Variants in PBXIP1 observed in about 807,000 individuals in gnomAD.
PBXIP1 encodes PBX homeobox interacting protein 1.
In PBXIP1, 73 loss-of-function variants were observed where a neutral mutation model predicts 73.7. The observed-to-expected ratio is 0.99, with a 90% CI of 0.82 to 1.20. The LOEUF (loss-of-function observed/expected upper bound fraction) is 1.20, where lower values mean the gene tolerates loss of function less well. Among genes scored for constraint, PBXIP1 ranks in the 50% most tolerant of loss-of-function variants. PBXIP1 has a pLI of 0.00. For missense variants in PBXIP1, 818 were observed against 911.4 expected (o/e 0.90, Z 1.32); for synonymous variants, 330 against 366.9 (o/e 0.90, Z 1.15).
intron 1 of PBXIP1, chr1:154,955,062 ATAGG>A: frequency 1.8e-6 from 1 of 564,198 alleles, no homozygotes; most frequent in Non-Finnish European, 2.2e-6. Context: ...CAAGTCCTGG[ATAGG>A]TCTTTCCCAA....
rs771104168 is a variant in PBXIP1, at chr1:154,946,138, C to T, written c.1536G>A (p.Glu512=). Residue 512 remains glutamate (E), a synonymous_variant, in exon 10 of 11, where the codon GAG becomes GAA. Coordinates refer to ENST00000368463, the MANE Select transcript of PBXIP1 (RefSeq NM_020524.4). ...KKNWGGQEDR[E]PAGRWKEGRP... ...TGCCCTCCTTCCACCTTCCTGCTGG[C>T]TCCCTGTCCTCCTGACCTCCCCAGT... 6.2e-7 allele frequency: 1 copy of T among 1,614,046 alleles called. No homozygotes were observed. Among genetic ancestry groups the T allele is most frequent in the Non-Finnish European group, 8.5e-7 (1 of 1,180,030 alleles).
In PBXIP1 at chr1:154,951,722, A is replaced by T; in HGVS notation, c.178+73T>A. ...AAACGAACCAGCCTCCCTTTCTCTGAGGAAACTGAGAAACCCCAAAATATG... is the reference window on the plus strand; with the variant it reads ...AAACGAACCAGCCTCCCTTTCTCTGTGGAAACTGAGAAACCCCAAAATATG... On this transcript the variant is annotated intron_variant, in intron 3 of 10. Coordinates refer to ENST00000368463, the MANE Select transcript of PBXIP1 (RefSeq NM_020524.4). This position sits in a 1 kb window ranked among gnomAD's most constrained non-coding sequence, Gnocchi z 4.3. 1 of 1,547,476 alleles carries T rather than the reference A, an allele frequency of 6.5e-7. No individual in the cohort carries two copies. The highest frequency in any genetic ancestry group is 8.8e-7 in the Non-Finnish European group (1 of 1,130,902).
chr1:154,945,765 G>T lies in PBXIP1; in HGVS notation c.1909C>A (p.Pro637Thr). 1 of 1,614,218 alleles carries T rather than the reference G, an allele frequency of 6.2e-7. No individual in the cohort carries two copies. Among genetic ancestry groups the T allele is most frequent in the Non-Finnish European group, 8.5e-7 (1 of 1,180,036 alleles). ...TCACCAAAGAAAGCAGGTGAGAGGG[G>T]TAGCTCCTTGGTCAGCTGCCCAGCC... ...PWAGQLTKEL[P>T]LSPAFFGEDG... Residue 637 changes from proline to threonine, a missense_variant, in exon 10 of 11, where the codon CCC (proline) becomes ACC (threonine). Pro to Thr is a conservative substitution (Grantham distance 38, BLOSUM62 -1). Transcript: ENST00000368463.
rs976767105 is a variant in PBXIP1, at chr1:154,945,131, G to C, written c.2103-14C>G. 4 of 1,599,524 alleles carry C rather than the reference G, an allele frequency of 2.5e-6. No homozygotes were observed. Among genetic ancestry groups the C allele is most frequent in the African/African-American group, 1.3e-5 (1 of 74,650 alleles). On this transcript the variant is annotated splice_polypyrimidine_tract_variant and intron_variant, in intron 10 of 10. Coordinates refer to ENST00000368463, the MANE Select transcript of PBXIP1 (RefSeq NM_020524.4). The stretch of plus-strand genomic sequence containing the variant: ...TTCTTCCCTGACCTGTGGGGAGGAA[G>C]AGGCCTTTAGGGGACAATACCATGC...
In PBXIP1 at chr1:154,946,186, T is replaced by G. The variant is rs551771123; in HGVS notation, c.1488A>C (p.Glu496Asp). The G allele has an allele frequency of 1.5e-5, 24 of 1,614,128 alleles. No homozygotes were observed. The African/African-American group carries it at 2.1e-4, about 14-fold the overall frequency. ...KAEHWKHKKE[E>D]SGRERKKNWG... ...AGTTCTTCTTCCTTTCCCGGCCAGA[T>G]TCTTCCTTCTTATGTTTCCAGTGCT... The change falls in exon 10 of 11, where the codon GAA (glutamate) becomes GAC (aspartate). Residue 496 changes from glutamate to aspartate, a missense_variant. Transcript: ENST00000368463.
intron 9 of PBXIP1, 84 bp from the exon 10 acceptor site, chr1:154,946,887 T>C (rs1654846248): frequency 1.5e-6 from 2 of 1,364,284 alleles, no homozygotes; most frequent in African/African-American, 1.5e-5. Context: ...TTCCATTCTA[T>C]TATAGTGGGC....
At chr1:154,949,969 C>A (rs1001642769) in intron 5 of PBXIP1, among the ~76,000 whole-genome samples, 4 of 152,020 alleles carry the variant, frequency 2.6e-5, no homozygotes, top group Admixed American at 6.5e-5. Context: ...GCCACCACAC[C>A]CAGCCTATTT....
At position 154,951,039 on chromosome 1, in the gene PBXIP1, C is replaced by G. The variant is rs955820467; in HGVS notation, c.409+193G>C. 6.6e-6 allele frequency among the ~76,000 whole-genome samples: 1 copy of G among 152,264 alleles called. No individual in the cohort carries two copies. The highest frequency in any genetic ancestry group is 2.4e-5 in the African/African-American group (1 of 41,462). On this transcript the variant is annotated intron_variant, in intron 5 of 10. Transcript: ENST00000368463. The surrounding 1 kb of genome is among the most constrained non-coding windows in gnomAD (Gnocchi z 4.3). ...AACCAGATGTGGGCCCTGCCCCTTA[C>G]CAGCAGTGTGACCTTGGTCAAGTCA...
At position 154,946,792 on chromosome 1, in the gene PBXIP1, T is replaced by C. The variant is rs552098441; in HGVS notation, c.882A>G (p.Glu294=). Reference sequence around the variant, plus strand: ...GCTGGTGCATCAGGCTCTGAAGCTCTTCCTTTTGGGCCTAGAATATGGTTT... The same window carrying C: ...GCTGGTGCATCAGGCTCTGAAGCTCCTCCTTTTGGGCCTAGAATATGGTTT... ...LLQAQLQAQK[E]ELQSLMHQPK... is the part of the protein sequence containing the mutation. Residue 294 remains glutamate (E), a synonymous_variant, in exon 10 of 11, where the codon GAA becomes GAG. Transcript: ENST00000368463. 6.5e-7 allele frequency: 1 copy of C among 1,533,424 alleles called. No homozygotes were observed. Among genetic ancestry groups the C allele is most frequent in the East Asian group, 2.3e-5 (1 of 43,992 alleles). 95.0% of individuals were successfully genotyped at this position (1,533,424 alleles called of 1,614,324 possible).
In PBXIP1 at chr1:154,945,031, C is replaced by CGGT. The variant is rs749374424; in HGVS notation, c.2186_2188dup (p.His729dup). The CGGT allele has an allele frequency of 2.3e-5, 37 of 1,612,804 alleles. No individual in the cohort carries two copies. The highest frequency in any genetic ancestry group is 2.8e-5 in the Non-Finnish European group (33 of 1,179,034). On this transcript the variant is annotated inframe_insertion, in exon 11 of 11. Coordinates refer to ENST00000368463, the MANE Select transcript of PBXIP1 (RefSeq NM_020524.4). ...TCCCTGTGGGGCAGGGTGTCAGCCC[C>CGGT]GGTGGTGGTGGTGGTGGCTATGGCT...
intron 5 of PBXIP1, among the ~76,000 whole-genome samples, chr1:154,949,678 G>C (rs920248650): frequency 6.6e-6 from 1 of 152,124 alleles, no homozygotes; most frequent in Non-Finnish European, 1.5e-5. Flanking sequence ...CAGTGCTCCA[G>C]GCAGACCACA....
At position 154,945,133 on chromosome 1, in the gene PBXIP1, G is replaced by A. The variant is rs1488758603; in HGVS notation, c.2103-16C>T. On this transcript the variant is annotated splice_polypyrimidine_tract_variant and intron_variant, in intron 10 of 10. Transcript: ENST00000368463. ...CTTCCCTGACCTGTGGGGAGGAAGA[G>A]GCCTTTAGGGGACAATACCATGCAA... 3.2e-6 allele frequency: 5 copies of A among 1,581,626 alleles called. No individual in the cohort carries two copies. The Admixed American group carries it at 5.0e-5, about 16-fold the overall frequency.
At position 154,945,690 on chromosome 1, in the gene PBXIP1, C is replaced by T. The variant is rs765369312; in HGVS notation, c.1984G>A (p.Ala662Thr). 29 of 1,614,106 alleles carry T rather than the reference C, an allele frequency of 1.8e-5. No individual in the cohort carries two copies. The highest frequency in any genetic ancestry group is 2.5e-5 in the Non-Finnish European group (29 of 1,180,040). The stretch of plus-strand genomic sequence containing the variant: ...ACCTCCTCCAAGCTGTCCTCCAGGG[C>T]ATCCACAAAATCCCGGAAGCGGAGG... ...DRLRFRDFVD[A>T]LEDSLEEVAV... The change falls in exon 10 of 11, where the codon GCC becomes ACC. Residue 662 changes from alanine to threonine, a missense_variant. Transcript: ENST00000368463.
At position 154,951,497 on chromosome 1, in the gene PBXIP1, T is replaced by C. The variant is rs2101987864; in HGVS notation, c.217A>G (p.Ile73Val). Residue 73 changes from isoleucine to valine, a missense_variant, in exon 4 of 11, where the codon ATT becomes GTT. Physicochemically the swap from Ile to Val is conservative, Grantham distance 29. Transcript: ENST00000368463. This position sits in a 1 kb window ranked among gnomAD's most constrained non-coding sequence, Gnocchi z 4.3. The part of the protein sequence containing the change: ...FQTESPQSGS[I>V]LTEETEVKGT... ...TTGACCTCAGTCTCCTCTGTTAGAA[T>C]GCTGCCAGACTGAGGGCTTTCAGTC... The C allele has an allele frequency of 6.2e-7, 1 of 1,614,144 alleles. No individual in the cohort carries two copies. Among genetic ancestry groups the C allele is most frequent in the Non-Finnish European group, 8.5e-7 (1 of 1,180,012 alleles).
In PBXIP1 at chr1:154,946,054, T is replaced by C; in HGVS notation, c.1620A>G (p.Glu540=). The C allele has an allele frequency of 6.2e-7, 1 of 1,614,002 alleles. No individual in the cohort carries two copies. The highest frequency in any genetic ancestry group is 8.5e-7 in the Non-Finnish European group (1 of 1,179,986). Residue 540 remains glutamate (E), a synonymous_variant, in exon 10 of 11, where the codon GAA becomes GAG. Transcript: ENST00000368463. ...KKEGKRQGPK[E]PPRKSGSFHS... ...GGAAGCTACCACTTTTCCTTGGGGG[T>C]TCCTTCGGGCCCTGTCGCTTGCCCT...
chr1:154,945,349 G>C (rs1654766777), intron 10 of PBXIP1, among the ~76,000 whole-genome samples: 1 of 152,158 alleles, frequency 6.6e-6, no homozygotes, highest in Admixed American at 6.5e-5. Context: ...CAACTCAGGA[G>C]AAAGAATCCC....
At chr1:154,954,877 T>A in intron 1 of PBXIP1, 1 of 615,522 alleles carries the variant, frequency 1.6e-6, no homozygotes. Context: ...CAGAACAGGA[T>A]AAATGACTGC....
chr1:154,946,650 C>T lies in PBXIP1; in HGVS notation c.1024G>A (p.Glu342Lys), dbSNP rs546122352. The T allele has an allele frequency of 3.9e-5, 63 of 1,612,554 alleles. No homozygotes were observed. In the South Asian group the frequency reaches 6.4e-4, roughly 16 times the overall value. The change falls in exon 10 of 11, where the codon GAG becomes AAG. Residue 342 changes from glutamate to lysine, a missense_variant. Transcript: ENST00000368463. Reference sequence around the variant, plus strand: ...TCTGGGCCCCGGACACAGTCGGCCTCCAGCCCCTGGAGCCGGGCCCGCAGC... The same window carrying T: ...TCTGGGCCCCGGACACAGTCGGCCTTCAGCCCCTGGAGCCGGGCCCGCAGC... ...QQLRARLQGLEADCVRGPDGV... is the reference protein window; with the variant it reads ...QQLRARLQGLKADCVRGPDGV...
Position 154,947,473 on chromosome 1 carries a change from G to A in PBXIP1, c.814C>T (p.Leu272=). 9 of 1,613,906 alleles carry A rather than the reference G, an allele frequency of 5.6e-6. No homozygotes were observed. The highest frequency in any genetic ancestry group is 7.6e-6 in the Non-Finnish European group (9 of 1,179,896). ...VPSLQNMGLL[L]DKLAKENQDI... ...TGGTTCTCCTTGGCCAGCTTGTCCA[G>A]CAGAAGACCCATGTTTTGCAGGCTG... Residue 272 remains leucine (L), a synonymous_variant, in exon 9 of 11, where the codon CTG becomes TTG. Coordinates refer to ENST00000368463, the MANE Select transcript of PBXIP1 (RefSeq NM_020524.4).
Sources: gnomAD v4.1 joint callset for allele counts (sites outside exome capture counted in the v4.1 genomes callset) on GRCh38, gnomAD v4.1.1 for gene constraint, Gnocchi (gnomAD v3.1) non-coding constraint, MANE v1.5 for transcripts, NCBI Gene and HGNC (gene_info 2026-07-23, HGNC 2026-07-21) for gene names.